MAN1A1: variants seen among roughly 807,000 people sequenced by gnomAD.
MAN1A1 encodes mannosyl-oligosaccharide 1,2-alpha-mannosidase IA.
A neutral mutation model predicts 70.8 loss-of-function variants in MAN1A1; 29 were observed. That is an observed-to-expected ratio of 0.41 (90% confidence interval 0.31 to 0.56). The LOEUF (loss-of-function observed/expected upper bound fraction) is 0.56. MAN1A1 is among the 20% of genes least tolerant of loss of function. The pLI is 0.29. For synonymous variants in MAN1A1, 349 were observed against 330.1 expected (o/e 1.06, Z -0.62); for missense variants, 747 against 841.3 (o/e 0.89, Z 1.39).
In MAN1A1 at chr6:119,203,644, A is replaced by G. The variant is rs1372860732; in HGVS notation, c.1116+1115T>C. 3.3e-5 allele frequency among the ~76,000 whole-genome samples: 5 copies of G among 152,140 alleles called. No homozygotes were observed. In the East Asian group the frequency reaches 9.7e-4, roughly 29 times the overall value. On this transcript the variant is annotated intron_variant, in intron 7 of 12. Coordinates refer to ENST00000368468, the MANE Select transcript of MAN1A1 (RefSeq NM_005907.4). The stretch of plus-strand genomic sequence containing the variant: ...GCAGTAGAGGCAGTGAGACACCCAA[A>G]GGATTTCTTAGTGGACTGGGCCTGG...
intron 5 of MAN1A1, among the ~76,000 whole-genome samples, chr6:119,272,134 A>G (rs962733599): frequency 2.6e-5 from 4 of 152,212 alleles, no homozygotes; most frequent in African/African-American, 9.6e-5. Context: ...GAATAGTCTT[A>G]TATTTGCTTT....
intron 6 of MAN1A1, among the ~76,000 whole-genome samples, chr6:119,207,428 G>A (rs1314792436): frequency 2.0e-5 from 3 of 152,180 alleles, no homozygotes; most frequent in East Asian, 1.9e-4. Context: ...TGAGATCAAC[G>A]GTTCTACTGG....
intron 6 of MAN1A1, 126 bp downstream of exon 6, chr6:119,248,134 A>T (rs1775218117): frequency 1.6e-6 from 1 of 634,630 alleles, no homozygotes; most frequent in Non-Finnish European, 2.7e-6. Flanking sequence ...ACAGATCTCA[A>T]GACTCCCAGT....
intron 5 of MAN1A1, among the ~76,000 whole-genome samples, chr6:119,263,590 C>T (rs1352601822): frequency 6.6e-6 from 1 of 152,116 alleles, no homozygotes; most frequent in African/African-American, 2.4e-5. Flanking sequence ...ATCTGTTTAC[C>T]TAACTTCCAT....
rs144902994 is a variant in MAN1A1, at chr6:119,257,504, C to A, written c.898-9150G>T. ...AGTGTAAGAGGCAAACATATATGAA[C>A]GACAACATCAAAAAAAATACTGTAT... On this transcript the variant is annotated intron_variant, in intron 5 of 12. Transcript: ENST00000368468. Among the ~76,000 whole-genome samples, 18 of 151,744 alleles carry A rather than the reference C, an allele frequency of 1.2e-4. No individual in the cohort carries two copies. The South Asian group carries it at 1.7e-3, about 14-fold the overall frequency.
At chr6:119,211,423 T>A (rs1250538793) in intron 6 of MAN1A1, among the ~76,000 whole-genome samples, 1 of 152,250 alleles carries the variant, frequency 6.6e-6, no homozygotes, top group Admixed American at 6.5e-5. Flanking sequence ...CGCACATGTT[T>A]TATCCCAAAG....
At chr6:119,294,544 G>GTCA (rs950340737) in intron 4 of MAN1A1, among the ~76,000 whole-genome samples, 3 of 152,052 alleles carry the variant, frequency 2.0e-5, no homozygotes, top group African/African-American at 7.2e-5. Context: ...TATGCCCCAT[G>GTCA]TATTCAGTGG....
intron 2 of MAN1A1, among the ~76,000 whole-genome samples, chr6:119,338,332 T>C (rs779623271): frequency 6.6e-6 from 1 of 151,664 alleles, no homozygotes; most frequent in Non-Finnish European, 1.5e-5. Flanking sequence ...GGATTTAGGG[T>C]GGAAAAAAAA....
At chr6:119,329,439 CT>C (rs1773243609) in intron 2 of MAN1A1, among the ~76,000 whole-genome samples, 1 of 147,512 alleles carries the variant, frequency 6.8e-6, no homozygotes, top group African/African-American at 2.6e-5. Flanking sequence ...TGAGAGATTC[CT>C]TTTTATAATA....
At position 119,180,342 on chromosome 6, in the gene MAN1A1, T is replaced by G; in HGVS notation, c.1805A>C (p.Gln602Pro). The change falls in exon 12 of 13, where the codon CAG (glutamine) becomes CCG (proline). Residue 602 changes from glutamine to proline, a missense_variant. Gln to Pro is a moderately conservative substitution (Grantham distance 76). Transcript: ENST00000368468. ...YLLHESYDDV[Q>P]QSFFLAETLK... ...TGTCTCTGCCAGGAAGAAACTCTGCTGCACATCATCATAACTCTCATGAAG... is the reference window on the plus strand; with the variant it reads ...TGTCTCTGCCAGGAAGAAACTCTGCGGCACATCATCATAACTCTCATGAAG... 2 of 1,613,852 alleles carry G rather than the reference T, an allele frequency of 1.2e-6. No individual in the cohort carries two copies. The highest frequency in any genetic ancestry group is 1.7e-6 in the Non-Finnish European group (2 of 1,179,804).
intron 3 of MAN1A1, among the ~76,000 whole-genome samples, chr6:119,306,486 A>G (rs1772528315): frequency 6.6e-6 from 1 of 152,210 alleles, no homozygotes; most frequent in South Asian, 2.1e-4. Context: ...TACAGTGAAG[A>G]TCACCATGGC....
intron 5 of MAN1A1, among the ~76,000 whole-genome samples, chr6:119,284,699 AGTT>A (rs1185292494): frequency 6.6e-6 from 1 of 151,964 alleles, no homozygotes; most frequent in African/African-American, 2.4e-5. Context: ...CTTATACTGT[AGTT>A]GTTAAGTTGT....
At chr6:119,340,276 C>T (rs1773564471) in intron 2 of MAN1A1, among the ~76,000 whole-genome samples, 1 of 152,124 alleles carries the variant, frequency 6.6e-6, no homozygotes, top group African/African-American at 2.4e-5. Context: ...CCTTTTAGTA[C>T]ATAGCTCCAG....
chr6:119,336,641 CTTCT>C (rs1327582995), intron 2 of MAN1A1, among the ~76,000 whole-genome samples: 2 of 152,170 alleles, frequency 1.3e-5, no homozygotes, highest in Non-Finnish European at 1.5e-5. Flanking sequence ...GAAAACCAAG[CTTCT>C]TTCTCTTTCT....
chr6:119,325,945 A>T (rs1322532072), intron 2 of MAN1A1, among the ~76,000 whole-genome samples: 2 of 152,212 alleles, frequency 1.3e-5, no homozygotes, highest in African/African-American at 4.8e-5. Flanking sequence ...TACTCCTACC[A>T]GCAACCTGAG....
At chr6:119,307,525 G>A (rs553788103) in intron 2 of MAN1A1, among the ~76,000 whole-genome samples, 1 of 152,100 alleles carries the variant, frequency 6.6e-6, no homozygotes, top group African/African-American at 2.4e-5. Context: ...AAATAACACT[G>A]TGATTATGCC....
At chr6:119,255,921 T>C (rs188996908) in intron 5 of MAN1A1, among the ~76,000 whole-genome samples, 19 of 151,694 alleles carry the variant, frequency 1.3e-4, no homozygotes. Context: ...CTTCATTTTT[T>C]AAAAAAAATA....
chr6:119,301,086 T>C (rs1772378212), intron 4 of MAN1A1, among the ~76,000 whole-genome samples: 1 of 152,230 alleles, frequency 6.6e-6, no homozygotes, highest in South Asian at 2.1e-4. Context: ...CACAGCATGT[T>C]ACTTGTGCGT....
chr6:119,226,732 G>T (rs1015052231), intron 6 of MAN1A1, among the ~76,000 whole-genome samples: 1 of 152,060 alleles, frequency 6.6e-6, no homozygotes, highest in Non-Finnish European at 1.5e-5. Flanking sequence ...GTGCAGTGGC[G>T]CAATCTTGGC....
Sources: allele counts gnomAD v4.1 joint callset (sites outside exome capture counted in the v4.1 genomes callset), GRCh38; gene constraint gnomAD v4.1.1; transcripts MANE v1.5; gene names NCBI Gene and HGNC (gene_info 2026-07-23, HGNC 2026-07-21).